Variants in AASS observed in about 807,000 individuals in gnomAD.
AASS encodes the protein alpha-aminoadipic semialdehyde synthase, mitochondrial.
Under a neutral mutation model 105.4 loss-of-function variants are expected in AASS, and 86 were observed. The ratio of observed to expected loss-of-function variants is 0.82; its 90% CI spans 0.69 to 0.98. AASS has a LOEUF of 0.98. AASS is among the 50% of genes least tolerant of loss of function. The pLI is 0.00. For missense variants in AASS, 1,048 were observed against 1,143.2 expected (o/e 0.92, Z 1.20); for synonymous variants, 381 against 394.8 (o/e 0.96, Z 0.41).
At chr7:122,123,622 T>A (rs1795530844) in intron 4 of AASS, among the ~76,000 whole-genome samples, 1 of 152,204 alleles carries the variant, frequency 6.6e-6, no homozygotes, top group African/African-American at 2.4e-5. Context: ...TTCAGATTCT[T>A]GGTCACATCC....
At position 122,081,588 on chromosome 7, in the gene AASS, A is replaced by G. The variant is rs746153221; in HGVS notation, c.2192T>C (p.Met731Thr). The G allele has an allele frequency of 3.1e-6, 5 of 1,610,260 alleles. 1 individual carries two copies. Among genetic ancestry groups the G allele is most frequent in the Middle Eastern group, 1.7e-4 (1 of 6,050 alleles). ...LRGTLRYKGY[M>T]KALNGFVKLG... ...TTTTACAAATCCATTCAAAGCTTTC[A>G]TATATCCCTGAAACAAGAATTAATA... The change falls in exon 20 of 24, where the codon ATG becomes ACG. Residue 731 changes from methionine (M) to threonine (T), a missense_variant. Met to Thr is a moderately conservative substitution (Grantham distance 81, BLOSUM62 -1). Coordinates refer to ENST00000417368, the MANE Select transcript of AASS (RefSeq NM_005763.4).
At chr7:122,116,064 G>A (rs1795155653) in intron 8 of AASS, among the ~76,000 whole-genome samples, 1 of 152,098 alleles carries the variant, frequency 6.6e-6, no homozygotes, top group Non-Finnish European at 1.5e-5. Context: ...GAAGAATGTT[G>A]CATGGCCAAT....
chr7:122,113,814 G>C, intron 9 of AASS, 94 bp from the exon 10 acceptor site: 1 of 1,416,534 alleles, frequency 7.1e-7, no homozygotes, highest in Non-Finnish European at 9.7e-7. Context: ...TTTCAATGTG[G>C]ATCCCAAATA....
chr7:122,124,865 G>C (rs1795587309), intron 4 of AASS, among the ~76,000 whole-genome samples: 1 of 152,118 alleles, frequency 6.6e-6, no homozygotes, highest in African/African-American at 2.4e-5. Context: ...TAGTTTAATA[G>C]AGCTGATTTG....
intron 4 of AASS, among the ~76,000 whole-genome samples, chr7:122,124,308 A>G (rs564998134): frequency 1.3e-5 from 2 of 152,074 alleles, no homozygotes; most frequent in African/African-American, 4.8e-5. Context: ...TTTGAGATGG[A>G]GTCTTATTCT....
intron 15 of AASS, among the ~76,000 whole-genome samples, chr7:122,094,754 T>C (rs1450391132): frequency 6.6e-6 from 1 of 152,034 alleles, no homozygotes; most frequent in East Asian, 1.9e-4. Flanking sequence ...TCATCTGTTG[T>C]TCACCCTGTG....
chr7:122,077,706 T>A, intron 23 of AASS, 132 bp downstream of exon 23: 2 of 1,181,840 alleles, frequency 1.7e-6, no homozygotes, highest in Non-Finnish European at 2.5e-6. Context: ...CAGTCCGCGC[T>A]TGGATCTTCT....
At chr7:122,115,919 G>A (rs2150536337) in intron 8 of AASS, among the ~76,000 whole-genome samples, 1 of 152,178 alleles carries the variant, frequency 6.6e-6, no homozygotes, top group East Asian at 1.9e-4. Flanking sequence ...ACGATATAAG[G>A]GCTAAACTTC....
intron 4 of AASS, among the ~76,000 whole-genome samples, chr7:122,123,293 CT>C (rs1289426729): frequency 1.3e-5 from 2 of 152,202 alleles, no homozygotes; most frequent in Non-Finnish European, 2.9e-5. Flanking sequence ...GTTCACCAAG[CT>C]TTGTGTCACA....
chr7:122,110,261 AGAAG>A (rs1269116762), intron 11 of AASS, among the ~76,000 whole-genome samples: 1 of 151,918 alleles, frequency 6.6e-6, no homozygotes, highest in African/African-American at 2.4e-5. Context: ...AAGAAAAAAC[AGAAG>A]GCATACCCAA....
intron 11 of AASS, among the ~76,000 whole-genome samples, chr7:122,106,095 A>T (rs1336194750): frequency 1.3e-5 from 2 of 152,032 alleles, no homozygotes; most frequent in African/African-American, 4.8e-5. Context: ...GAAATTGTTT[A>T]TCAGCTTAAT....
chr7:122,109,049 A>T (rs938665245), intron 11 of AASS, among the ~76,000 whole-genome samples: 2 of 152,054 alleles, frequency 1.3e-5, no homozygotes, highest in African/African-American at 2.4e-5. Flanking sequence ...TCCAATAGCC[A>T]CAGCAAAAAT....
At chr7:122,079,898 TA>T (rs1401646962) in intron 20 of AASS, among the ~76,000 whole-genome samples, 186 bp from the exon 21 acceptor site, 2 of 152,206 alleles carry the variant, frequency 1.3e-5, no homozygotes, top group African/African-American at 4.8e-5. Context: ...TACACATCAA[TA>T]AATAGCTGCT....
intron 11 of AASS, among the ~76,000 whole-genome samples, chr7:122,111,991 G>A (rs1449586281): frequency 6.6e-6 from 1 of 152,212 alleles, no homozygotes. Context: ...CAGAAAGGAA[G>A]TGAGTGCCCT....
At chr7:122,086,471 C>T (rs1041529203) in intron 18 of AASS, among the ~76,000 whole-genome samples, 2 of 150,754 alleles carry the variant, frequency 1.3e-5, no homozygotes, top group Non-Finnish European at 1.5e-5. Flanking sequence ...AAATTATTTC[C>T]CACTAGAGTT....
In AASS at chr7:122,076,270, A is replaced by C; in HGVS notation, c.*219T>G. ...TCACTTTCACATACGTATTTATAAA[A>C]TACAGGGTAGAATTATTAAAGTTCT... is the stretch of plus-strand genomic sequence containing the variant. On this transcript the variant is annotated 3_prime_UTR_variant, in exon 24 of 24. Transcript: ENST00000417368. 2.0e-6 allele frequency: 1 copy of C among 512,408 alleles called. No individual in the cohort carries two copies. The highest frequency in any genetic ancestry group is 2.6e-5 in the South Asian group (1 of 38,746). The allele number at this position is 512,408 out of a possible 1,614,324, so 31.7% of individuals were successfully genotyped here.
At chr7:122,129,683 T>C (rs1238978767) in intron 2 of AASS, 146 bp from the exon 3 acceptor site, 2 of 722,734 alleles carry the variant, frequency 2.8e-6, no homozygotes, top group African/African-American at 1.8e-5. Flanking sequence ...CAACTACTTG[T>C]AATGTTTGTA....
At chr7:122,101,341 A>G in intron 13 of AASS, 30 bp downstream of exon 13, 2 of 1,534,588 alleles carry the variant, frequency 1.3e-6, no homozygotes. Flanking sequence ...GAATAAATGT[A>G]TAAAACAAGA....
In AASS at chr7:122,144,187, TC is replaced by T; in HGVS notation, c.-43del. 1 of 152,460 alleles carries T rather than the reference TC, an allele frequency of 6.6e-6. No homozygotes were observed. Among genetic ancestry groups the T allele is most frequent in the East Asian group, 1.9e-4 (1 of 5,172 alleles). The allele number at this position is 152,460 out of a possible 1,614,324, so 9.4% of individuals were successfully genotyped here. A position where few individuals can be genotyped will look rare whatever the true frequency, so the allele number is the denominator to read the frequency against. ...TCGTCCGCTCTGGGGCGCCGACTTGTCCCCCGCCGCCTCGAATCTTCCGAGT... is the reference window on the plus strand; with the variant it reads ...TCGTCCGCTCTGGGGCGCCGACTTGTCCCCGCCGCCTCGAATCTTCCGAGT... On this transcript the variant is annotated 5_prime_UTR_variant, in exon 1 of 24. Transcript: ENST00000417368.
Sources: gnomAD v4.1 joint callset for allele counts (sites outside exome capture counted in the v4.1 genomes callset) on GRCh38, gnomAD v4.1.1 for gene constraint, MANE v1.5 for transcripts, NCBI Gene and HGNC (gene_info 2026-07-23, HGNC 2026-07-21) for gene names.